PHF24: variants seen among roughly 807,000 people sequenced by gnomAD.
The protein encoded by PHF24 is PHD finger protein 24.
In PHF24, 25 loss-of-function variants were observed where a neutral mutation model predicts 42.6. That is an observed-to-expected ratio of 0.59 (90% confidence interval 0.43 to 0.82). PHF24 has a LOEUF of 0.82. PHF24 is among the 40% of genes least tolerant of loss of function. The pLI, the probability that PHF24 is intolerant of heterozygous loss-of-function variation, is 0.00. For synonymous variants in PHF24, 185 were observed against 204.8 expected (o/e 0.90, Z 0.83); for missense variants, 470 against 538.1 (o/e 0.87, Z 1.25).
At chr9:34,962,746 G>A (rs1027101171) in intron 1 of PHF24, among the ~76,000 whole-genome samples, 4 of 152,230 alleles carry the variant, frequency 2.6e-5, no homozygotes, top group African/African-American at 7.2e-5. Context: ...ATCACTGATG[G>A]TGTGATGTTC....
At chr9:34,848,621 G>C in the PHF24 span, among the ~76,000 whole-genome samples, 1 of 151,494 alleles carries the variant, frequency 6.6e-6, no homozygotes, top group Non-Finnish European at 1.5e-5. Context: ...TCTGATTTTA[G>C]TTATTTCTTG....
the PHF24 span, among the ~76,000 whole-genome samples, chr9:34,874,612 A>G: frequency 2.0e-5 from 3 of 152,080 alleles, no homozygotes; most frequent in South Asian, 2.1e-4. Flanking sequence ...TAATAGGGGG[A>G]ATTACTAAAT....
chr9:34,910,420 T>G, the PHF24 span, among the ~76,000 whole-genome samples: 1 of 152,184 alleles, frequency 6.6e-6, no homozygotes. Context: ...GTCTAAAAGA[T>G]CTTGAAAATT....
the PHF24 span, among the ~76,000 whole-genome samples, chr9:34,936,871 G>T: frequency 1.3e-5 from 2 of 149,530 alleles, no homozygotes; most frequent in African/African-American, 4.9e-5. Flanking sequence ...CCCTCCGCCC[G>T]GCAGCCGCCC....
chr9:34,972,809 G>A (rs1233867657), intron 3 of PHF24, among the ~76,000 whole-genome samples: 3 of 151,556 alleles, frequency 2.0e-5, no homozygotes, highest in Admixed American at 1.3e-4. Context: ...AGCTACTCGG[G>A]AGGCTGAGGT....
chr9:34,943,324 C>T, the PHF24 span, among the ~76,000 whole-genome samples: 4 of 152,170 alleles, frequency 2.6e-5, no homozygotes, highest in Non-Finnish European at 5.9e-5. Context: ...ACTATTACAT[C>T]TTTTACCTCA....
the PHF24 span, chr9:34,832,481 C>T: frequency 3.3e-6 from 5 of 1,513,578 alleles, no homozygotes; most frequent in Admixed American, 1.1e-4. Context: ...GAGATTGGGC[C>T]TTGGAGCACC....
chr9:34,925,661 G>C, the PHF24 span, among the ~76,000 whole-genome samples: 68,698 of 151,712 alleles, frequency 0.45, 16,064 homozygotes, highest in Non-Finnish European at 0.51. Flanking sequence ...TCTTGTTGAA[G>C]TTCTTATTCA....
At chr9:34,961,188 A>G (rs76224851) in intron 1 of PHF24, among the ~76,000 whole-genome samples, 3,786 of 152,302 alleles carry the variant, frequency 0.025, 87 homozygotes, top group Non-Finnish European at 0.035. Context: ...AGAATCTATT[A>G]TCTTTTAGTC....
At chr9:34,698,166 C>T in the PHF24 span, among the ~76,000 whole-genome samples, 1 of 151,806 alleles carries the variant, frequency 6.6e-6, no homozygotes, top group Non-Finnish European at 1.5e-5. Flanking sequence ...TAAGGATTTA[C>T]AGTCTTACCC....
At chr9:34,937,200 A>C in the PHF24 span, among the ~76,000 whole-genome samples, 94 of 152,272 alleles carry the variant, frequency 6.2e-4, no homozygotes, top group Middle Eastern at 3.4e-3. Flanking sequence ...GGTTTTGTGG[A>C]ATAGAAAGGG....
At chr9:34,777,689 T>C in the PHF24 span, among the ~76,000 whole-genome samples, 2 of 152,220 alleles carry the variant, frequency 1.3e-5, no homozygotes, top group Non-Finnish European at 2.9e-5. Flanking sequence ...TGGGATGTGG[T>C]AGCCCATGGT....
At chr9:34,853,636 A>G in the PHF24 span, among the ~76,000 whole-genome samples, 5 of 151,742 alleles carry the variant, frequency 3.3e-5, no homozygotes, top group African/African-American at 2.4e-5. Flanking sequence ...AGACCATCCC[A>G]GCTAAAACGG....
chr9:34,957,978 G>A (rs908529843), upstream of PHF24, among the ~76,000 whole-genome samples: 5 of 146,494 alleles, frequency 3.4e-5, no homozygotes, highest in Admixed American at 2.0e-4. Context: ...GGGCGCTCGT[G>A]GGGGGCGCCC....
the PHF24 span, among the ~76,000 whole-genome samples, chr9:34,765,244 C>G: frequency 1.3e-5 from 2 of 151,992 alleles, no homozygotes; most frequent in Non-Finnish European, 2.9e-5. Context: ...AGTTCAATTC[C>G]TGGGTATCCT....
chr9:34,672,594 G>A, the PHF24 span, among the ~76,000 whole-genome samples: 3 of 152,132 alleles, frequency 2.0e-5, no homozygotes, highest in Non-Finnish European at 2.9e-5. Context: ...GTCGTGAGGT[G>A]TGGCACAGGG....
the PHF24 span, among the ~76,000 whole-genome samples, chr9:34,919,619 G>A: frequency 1.3e-5 from 2 of 150,512 alleles, no homozygotes; most frequent in African/African-American, 4.9e-5. Flanking sequence ...ATTGTTTACT[G>A]TAGTCACCCT....
the PHF24 span, among the ~76,000 whole-genome samples, chr9:34,701,660 G>C: frequency 1.3e-4 from 20 of 152,200 alleles, no homozygotes; most frequent in Admixed American, 1.3e-3. This position sits in a 1 kb window ranked among gnomAD's most constrained non-coding sequence, Gnocchi z 5.8. Flanking sequence ...CGGGCGTATG[G>C]AGGGGAGGCT....
chr9:34,674,729 G>A, the PHF24 span, among the ~76,000 whole-genome samples: 1 of 152,250 alleles, frequency 6.6e-6, no homozygotes, highest in Non-Finnish European at 1.5e-5. Flanking sequence ...TTAAACGATT[G>A]TAGTGTGTCC....
Sources: allele counts gnomAD v4.1 joint callset (sites outside exome capture counted in the v4.1 genomes callset), GRCh38; gene constraint gnomAD v4.1.1; non-coding constraint Gnocchi (gnomAD v3.1); transcripts MANE v1.5; gene names NCBI Gene and HGNC (gene_info 2026-07-23, HGNC 2026-07-21).